Variants in TM9SF2 observed in about 807,000 individuals in gnomAD.
TM9SF2 encodes the protein 76 kDa membrane protein.
A neutral mutation model predicts 84.9 loss-of-function variants in TM9SF2; 13 were observed. The observed-to-expected ratio is 0.15, with a 90% CI of 0.10 to 0.24. TM9SF2 has a LOEUF of 0.24. TM9SF2 is among the 10% of genes least tolerant of loss of function. TM9SF2 has a pLI of 1.00. For synonymous variants in TM9SF2, 273 were observed against 285.8 expected (o/e 0.96, Z 0.45); for missense variants, 562 against 818.5 (o/e 0.69, Z 3.82).
intron 3 of TM9SF2, among the ~76,000 whole-genome samples, chr13:99,526,768 T>C (rs2046185500): frequency 6.6e-6 from 1 of 151,942 alleles, no homozygotes; most frequent in South Asian, 2.1e-4. Context: ...TCACCAAGAA[T>C]CAGGAGCGAG....
At chr13:99,545,772 G>T (rs1286631943) in intron 10 of TM9SF2, among the ~76,000 whole-genome samples, 2 of 152,008 alleles carry the variant, frequency 1.3e-5, no homozygotes, top group Admixed American at 6.5e-5. Context: ...TCACCATGTT[G>T]TCCAGGATGG....
intron 1 of TM9SF2, among the ~76,000 whole-genome samples, chr13:99,508,677 G>T (rs2139069916): frequency 6.6e-6 from 1 of 152,252 alleles, no homozygotes; most frequent in East Asian, 1.9e-4. Context: ...ATGGCAGAAG[G>T]TGAAGCAGGA....
chr13:99,513,419 AGTT>A (rs745801600), intron 1 of TM9SF2, among the ~76,000 whole-genome samples: 4 of 152,200 alleles, frequency 2.6e-5, no homozygotes, highest in Non-Finnish European at 5.9e-5. Context: ...TAGAGCCAAA[AGTT>A]GTCCCATGAA....
intron 3 of TM9SF2, among the ~76,000 whole-genome samples, chr13:99,521,655 A>G (rs150083309): frequency 2.8e-4 from 43 of 152,316 alleles, no homozygotes; most frequent in African/African-American, 9.9e-4. Context: ...TTAATCCACT[A>G]CAAGTTGATT....
chr13:99,543,811 G>A, intron 9 of TM9SF2, 52 bp from the exon 10 acceptor site: 13 of 1,597,028 alleles, frequency 8.1e-6, no homozygotes, highest in Non-Finnish European at 1.0e-5. Context: ...ACTGTCTATA[G>A]TTGTCTTGTT....
intron 2 of TM9SF2, among the ~76,000 whole-genome samples, chr13:99,518,621 A>C (rs1047173025): frequency 6.6e-6 from 1 of 152,054 alleles, no homozygotes; most frequent in Non-Finnish European, 1.5e-5. Context: ...TTTTGAGACA[A>C]GGTCTTGCTC....
intron 4 of TM9SF2, among the ~76,000 whole-genome samples, chr13:99,530,310 A>G (rs2046203011): frequency 2.0e-5 from 3 of 152,192 alleles, no homozygotes; most frequent in Admixed American, 1.3e-4. Flanking sequence ...TGTAGTCCCA[A>G]CTACTTGGGA....
At chr13:99,503,895 A>G (rs2046078063) in intron 1 of TM9SF2, among the ~76,000 whole-genome samples, 2 of 151,958 alleles carry the variant, frequency 1.3e-5, no homozygotes, top group African/African-American at 2.4e-5. Flanking sequence ...TGGATGTTTA[A>G]TTTTCATAGG....
chr13:99,544,036 T>G, intron 10 of TM9SF2, 41 bp downstream of exon 10: 1 of 1,606,432 alleles, frequency 6.2e-7, no homozygotes, highest in South Asian at 1.1e-5. Flanking sequence ...AAATACTTTC[T>G]AAATACAGTA....
intron 15 of TM9SF2, among the ~76,000 whole-genome samples, chr13:99,557,548 T>TG (rs1230013117): frequency 6.6e-6 from 1 of 152,158 alleles, no homozygotes. Context: ...TTTTTTTTTC[T>TG]TCCGTTGCTT....
intron 5 of TM9SF2, among the ~76,000 whole-genome samples, chr13:99,537,510 G>A (rs756540687): frequency 4.0e-5 from 6 of 151,860 alleles, no homozygotes; most frequent in Non-Finnish European, 7.4e-5. Context: ...CTTTTGAATT[G>A]GTACTTATTA....
intron 3 of TM9SF2, among the ~76,000 whole-genome samples, chr13:99,520,846 A>G (rs554654571): frequency 1.2e-4 from 19 of 152,352 alleles, no homozygotes; most frequent in African/African-American, 3.6e-4. Flanking sequence ...TTGAGATTAC[A>G]GATTTGAGCC....
chr13:99,542,716 TTATTAAA>T (rs1438433367), intron 9 of TM9SF2, among the ~76,000 whole-genome samples: 5 of 152,192 alleles, frequency 3.3e-5, no homozygotes, highest in African/African-American at 1.2e-4. Context: ...ATTTTATGTC[TTATTAAA>T]TATTAAAATG....
intron 12 of TM9SF2, among the ~76,000 whole-genome samples, chr13:99,550,970 T>C (rs981359200): frequency 5.3e-5 from 8 of 152,222 alleles, no homozygotes; most frequent in Non-Finnish European, 1.2e-4. Flanking sequence ...GATAACATTA[T>C]TTGTATACAA....
intron 9 of TM9SF2, among the ~76,000 whole-genome samples, chr13:99,542,294 A>G (rs533546680): frequency 6.6e-6 from 1 of 152,238 alleles, no homozygotes; most frequent in Non-Finnish European, 1.5e-5. Flanking sequence ...TCCCTGACAC[A>G]TACCTGTTTG....
At chr13:99,536,543 G>T (rs2046235395) in intron 4 of TM9SF2, 65 bp from the exon 5 acceptor site, 6 of 1,562,164 alleles carry the variant, frequency 3.8e-6, no homozygotes, top group Non-Finnish European at 5.2e-6. Context: ...ACACTGATTT[G>T]GGCAGTAATT....
intron 14 of TM9SF2, among the ~76,000 whole-genome samples, chr13:99,555,107 C>T (rs1474496386): frequency 6.6e-6 from 1 of 152,144 alleles, no homozygotes; most frequent in African/African-American, 2.4e-5. Flanking sequence ...AAAGTTAGAA[C>T]TAAATTTGAG....
chr13:99,541,863 T>G (rs375599867), intron 9 of TM9SF2, 196 bp downstream of exon 9: 22 of 404,158 alleles, frequency 5.4e-5, no homozygotes, highest in African/African-American at 3.0e-4. Context: ...AGAATTAATA[T>G]TCTTGGCTGG....
At chr13:99,514,621 G>T (rs4466950) in intron 1 of TM9SF2, among the ~76,000 whole-genome samples, 133,251 of 152,262 alleles carry the variant, frequency 0.88, 58,493 homozygotes, top group Admixed American at 0.92. Flanking sequence ...TGGCCGTAAA[G>T]GGTGCTGAGC....
Sources: allele counts gnomAD v4.1 joint callset (sites outside exome capture counted in the v4.1 genomes callset), GRCh38; gene constraint gnomAD v4.1.1; transcripts MANE v1.5; gene names NCBI Gene and HGNC (gene_info 2026-07-23, HGNC 2026-07-21).